The following GSG1L variants were observed in gnomAD, a reference collection of about 807,000 sequenced individuals.
The protein encoded by GSG1L is germ cell-specific gene 1-like protein.
A neutral mutation model predicts 42.1 loss-of-function variants in GSG1L; 24 were observed. That is an observed-to-expected ratio of 0.57 (90% CI 0.41 to 0.80). The LOEUF (loss-of-function observed/expected upper bound fraction) is 0.80. Among genes scored for constraint, GSG1L ranks in the 30% least tolerant of loss-of-function variants. The pLI, the probability that GSG1L is intolerant of heterozygous loss-of-function variation, is 0.00. For missense variants in GSG1L, 445 were observed against 472.2 expected, an observed-to-expected ratio of 0.94 and a Z score of 0.53; for synonymous variants, 215 against 203.5, an observed-to-expected ratio of 1.06 and a Z score of -0.48.
At chr16:27,928,512 G>GA (rs941393475) in intron 2 of GSG1L, among the ~76,000 whole-genome samples, 9 of 113,956 alleles carry the variant, frequency 7.9e-5, no homozygotes, top group Admixed American at 6.0e-4. Flanking sequence ...GGAAAGAAAA[G>GA]AAAAGAAAAC....
At chr16:27,858,543 A>G (rs559740175) in intron 3 of GSG1L, among the ~76,000 whole-genome samples, 9 of 152,186 alleles carry the variant, frequency 5.9e-5, no homozygotes, top group African/African-American at 9.7e-5. Flanking sequence ...CACTTTCTGG[A>G]TGATAGGCTG....
intron 4 of GSG1L, among the ~76,000 whole-genome samples, chr16:27,831,329 A>T (rs531785243): frequency 7.2e-5 from 11 of 151,842 alleles, no homozygotes; most frequent in Admixed American, 6.6e-4. Context: ...GTTTCTTTTT[A>T]TTTTTTTTCC....
At chr16:27,941,528 T>C (rs1195805209) in intron 2 of GSG1L, among the ~76,000 whole-genome samples, 2 of 137,790 alleles carry the variant, frequency 1.5e-5, no homozygotes, top group African/African-American at 2.8e-5. Context: ...AAAAATTAGC[T>C]CGGCATGGTG....
chr16:28,046,824 C>G (rs1187977541), intron 1 of GSG1L, among the ~76,000 whole-genome samples: 1 of 152,226 alleles, frequency 6.6e-6, no homozygotes, highest in Non-Finnish European at 1.5e-5. Context: ...TGTCCTCTGC[C>G]TGGACACGGT....
At chr16:27,908,876 C>T (rs1273237727) in intron 2 of GSG1L, among the ~76,000 whole-genome samples, 1 of 152,188 alleles carries the variant, frequency 6.6e-6, no homozygotes, top group Non-Finnish European at 1.5e-5. Flanking sequence ...CTCAGTATCT[C>T]ATCCCACTGA....
At chr16:27,878,967 T>C (rs2083919969) in intron 3 of GSG1L, among the ~76,000 whole-genome samples, 1 of 151,892 alleles carries the variant, frequency 6.6e-6, no homozygotes, top group Non-Finnish European at 1.5e-5. Context: ...CTCAACAGGG[T>C]TTTGCTGGAG....
At chr16:27,877,291 G>A (rs2083900083) in intron 3 of GSG1L, among the ~76,000 whole-genome samples, 1 of 152,090 alleles carries the variant, frequency 6.6e-6, no homozygotes, top group South Asian at 2.1e-4. Context: ...CTAGTTCAGG[G>A]CCACATTATG....
chr16:28,036,716 G>C (rs1274965416), intron 1 of GSG1L, among the ~76,000 whole-genome samples: 7 of 152,194 alleles, frequency 4.6e-5, no homozygotes, highest in Admixed American at 2.0e-4. Context: ...GCTTTGAGCT[G>C]AGCTTGTTTC....
intron 2 of GSG1L, among the ~76,000 whole-genome samples, chr16:27,900,900 G>A (rs1364065336): frequency 6.6e-6 from 1 of 151,948 alleles, no homozygotes; most frequent in Non-Finnish European, 1.5e-5. Context: ...GGCCATGGTG[G>A]GTGGATCATC....
intron 6 of GSG1L, among the ~76,000 whole-genome samples, chr16:27,796,682 T>C (rs531042428): frequency 6.6e-6 from 1 of 152,154 alleles, no homozygotes; most frequent in Non-Finnish European, 1.5e-5. Flanking sequence ...GGCGGGCTGT[T>C]TTAGGAGATT....
chr16:28,000,937 C>T (rs559350118), intron 1 of GSG1L, among the ~76,000 whole-genome samples: 2 of 152,244 alleles, frequency 1.3e-5, no homozygotes, highest in African/African-American at 4.8e-5. Context: ...TTGCCTGTTC[C>T]TCATCTTCTA....
chr16:27,866,956 A>G (rs922377512), intron 3 of GSG1L, among the ~76,000 whole-genome samples: 2 of 152,170 alleles, frequency 1.3e-5, no homozygotes, highest in Non-Finnish European at 2.9e-5. Flanking sequence ...ACCCCCCTGC[A>G]TTCCCCACCA....
chr16:28,013,397 C>CAAAGG (rs61502890), intron 1 of GSG1L, among the ~76,000 whole-genome samples: 119,192 of 151,492 alleles, frequency 0.79, 47,340 homozygotes, highest in South Asian at 0.84. Context: ...ATGGCATGTG[C>CAAAGG]CCCTGCCACA....
At chr16:27,808,949 C>T (rs771431267) in intron 5 of GSG1L, among the ~76,000 whole-genome samples, 3 of 152,180 alleles carry the variant, frequency 2.0e-5, no homozygotes, top group Non-Finnish European at 2.9e-5. Flanking sequence ...CCTTCACCTG[C>T]GTCCCACTGA....
At chr16:27,888,479 T>TTCCTTCC (rs1567505873) in intron 2 of GSG1L, among the ~76,000 whole-genome samples, 1 of 44,388 alleles carries the variant, frequency 2.3e-5, no homozygotes, top group African/African-American at 7.4e-5. Context: ...TCTCTCTCTC[T>TTCCTTCC]TTCCTTTCTT....
chr16:27,999,743 C>T (rs76393691), intron 1 of GSG1L, among the ~76,000 whole-genome samples: 1 of 152,170 alleles, frequency 6.6e-6, no homozygotes, highest in Non-Finnish European at 1.5e-5. Flanking sequence ...CTTAAAGGTT[C>T]TTTCTTAGCT....
At chr16:27,822,531 C>T (rs550592047) in intron 5 of GSG1L, among the ~76,000 whole-genome samples, 2 of 152,298 alleles carry the variant, frequency 1.3e-5, no homozygotes, top group South Asian at 2.1e-4. Context: ...ATCCTCCCAC[C>T]TCAGCCTCCC....
chr16:27,859,539 C>T lies in GSG1L; in HGVS notation c.551-14478G>A, dbSNP rs535504807. Among the ~76,000 whole-genome samples the T allele has an allele frequency of 8.5e-5, 13 of 152,342 alleles. No individual in the cohort carries two copies. The South Asian group carries it at 1.7e-3, about 19-fold the overall frequency. On this transcript the variant is annotated intron_variant, in intron 3 of 6. Transcript: ENST00000447459. ...CCCTGGCAGCCCAGGGCATCTCATGCGTCTCACTGCCTGGCCCAGACATCA... is the reference window on the plus strand; with the variant it reads ...CCCTGGCAGCCCAGGGCATCTCATGTGTCTCACTGCCTGGCCCAGACATCA...
intron 2 of GSG1L, among the ~76,000 whole-genome samples, chr16:27,937,354 G>A (rs1297142253): frequency 5.3e-5 from 8 of 151,860 alleles, no homozygotes; most frequent in Non-Finnish European, 1.0e-4. Context: ...TGATTCTCCC[G>A]CCTCAGCCTC....
Sources: gnomAD v4.1 joint callset for allele counts (sites outside exome capture counted in the v4.1 genomes callset) on GRCh38, gnomAD v4.1.1 for gene constraint, MANE v1.5 for transcripts, NCBI Gene and HGNC (gene_info 2026-07-23, HGNC 2026-07-21) for gene names.